AAMDC: variants seen among roughly 807,000 people sequenced by gnomAD.
The protein encoded by AAMDC is mth938 domain-containing protein.
AAMDC carries 16 observed loss-of-function variants against 15.5 expected under a neutral mutation model. The observed-to-expected ratio is 1.03, with a 90% CI of 0.70 to 1.57. The LOEUF (loss-of-function observed/expected upper bound fraction) is 1.57. Among genes scored for constraint, AAMDC ranks in the 40% most tolerant of loss-of-function variants. The probability of loss-of-function intolerance (pLI) is 0.00; values close to 1 mark genes in which losing one functional copy is unlikely to be tolerated. For synonymous variants in AAMDC, 51 were observed against 51.6 expected (o/e 0.99, Z 0.05); for missense variants, 141 against 144.9 (o/e 0.97, Z 0.14).
At chr11:77,826,384 G>T (rs1949174224) in intron 1 of AAMDC, among the ~76,000 whole-genome samples, 1 of 151,854 alleles carries the variant, frequency 6.6e-6, no homozygotes, top group Admixed American at 6.6e-5. Context: ...ATGGGGGACA[G>T]CCTGTATTAT....
chr11:77,823,997 G>T (rs960306022), intron 1 of AAMDC, among the ~76,000 whole-genome samples: 3 of 152,062 alleles, frequency 2.0e-5, no homozygotes, highest in Non-Finnish European at 4.4e-5. Context: ...ATAAATAAAG[G>T]TTAGAGTTTC....
chr11:77,878,361 CAAAA>C (rs35818983), intron 5 of AAMDC, among the ~76,000 whole-genome samples: 2 of 126,902 alleles, frequency 1.6e-5, no homozygotes, highest in African/African-American at 5.9e-5. Flanking sequence ...GACTCCATCT[CAAAA>C]AAAAAAAAAA....
chr11:77,850,095 A>AT (rs1950311324), intron 2 of AAMDC, among the ~76,000 whole-genome samples: 1 of 152,256 alleles, frequency 6.6e-6, no homozygotes, highest in South Asian at 2.1e-4. Context: ...TATAAATGTC[A>AT]TTAAACAAAC....
At position 77,869,836 on chromosome 11, in the gene AAMDC, A is replaced by G; in HGVS notation, c.228+19A>G. 6.2e-7 allele frequency: 1 copy of G among 1,604,592 alleles called. No individual in the cohort carries two copies. ...CTTGAAGGTAGGTGTTGGTATGCAC[A>G]GCATTCCTGAGGACAGGTGGGGATC... On this transcript the variant is annotated intron_variant, in intron 3 of 3. Transcript: ENST00000393427.
At chr11:77,904,365 G>GT (rs1308062693), downstream of AAMDC, among the ~76,000 whole-genome samples, 1 of 152,164 alleles carries the variant, frequency 6.6e-6, no homozygotes, top group Non-Finnish European at 1.5e-5. Context: ...TTACAAAGAT[G>GT]TAAGTTAATT....
intron 2 of AAMDC, among the ~76,000 whole-genome samples, chr11:77,847,878 C>T (rs1322645321): frequency 6.6e-6 from 1 of 152,022 alleles, no homozygotes; most frequent in African/African-American, 2.4e-5. Context: ...TCCTAAAAAC[C>T]CCGGGAGCTG....
chr11:77,874,164 C>A (rs1000663100), downstream of AAMDC, among the ~76,000 whole-genome samples: 5 of 152,178 alleles, frequency 3.3e-5, no homozygotes, highest in Admixed American at 3.3e-4. Flanking sequence ...CTCCTTGCTC[C>A]CTAGAAGCAG....
At chr11:77,892,936 T>C (rs1392905295) in intron 5 of AAMDC, among the ~76,000 whole-genome samples, 1 of 152,176 alleles carries the variant, frequency 6.6e-6, no homozygotes, top group Non-Finnish European at 1.5e-5. Context: ...CTAGAGAGTA[T>C]TACCTGCTGG....
intron 2 of AAMDC, among the ~76,000 whole-genome samples, chr11:77,846,708 T>C (rs1161968147): frequency 6.6e-6 from 1 of 152,148 alleles, no homozygotes; most frequent in Admixed American, 6.5e-5. Flanking sequence ...CTACATCTCA[T>C]AAAAAGAAAT....
At chr11:77,861,423 G>A (rs1950871938) in intron 2 of AAMDC, among the ~76,000 whole-genome samples, 5 of 152,182 alleles carry the variant, frequency 3.3e-5, no homozygotes, top group South Asian at 4.1e-4. Context: ...TGAGAAGGCC[G>A]CGCCAGTGTC....
At chr11:77,828,847 GCTT>G (rs1484856311) in intron 1 of AAMDC, among the ~76,000 whole-genome samples, 1 of 152,128 alleles carries the variant, frequency 6.6e-6, no homozygotes, top group East Asian at 1.9e-4. Flanking sequence ...ATTCCAGCTG[GCTT>G]CTTTGCAGAA....
At chr11:77,886,313 C>G (rs1952003821) in intron 5 of AAMDC, among the ~76,000 whole-genome samples, 1 of 152,162 alleles carries the variant, frequency 6.6e-6, no homozygotes, top group Non-Finnish European at 1.5e-5. Context: ...TTTGTCTACT[C>G]CAAAAGTGGA....
intron 1 of AAMDC, among the ~76,000 whole-genome samples, chr11:77,840,533 G>C (rs1949885636): frequency 6.6e-6 from 1 of 150,804 alleles, no homozygotes; most frequent in African/African-American, 2.4e-5. Context: ...CATCTCAAAA[G>C]AAAAAAAAGT....
rs570682319 is a variant in AAMDC, at chr11:77,897,675, T to A, written c.329-2896T>A. Reference sequence around the variant, plus strand: ...GCCACCACGCCCGGCTAATTTTTTTTTTTTTATTTTTAGTAGAGACGGGGT... The same window carrying A: ...GCCACCACGCCCGGCTAATTTTTTTATTTTTATTTTTAGTAGAGACGGGGT... On this transcript the variant is annotated intron_variant, in intron 5 of 5. Transcript: ENST00000304716. 2.4e-4 allele frequency among the ~76,000 whole-genome samples: 37 copies of A among 151,286 alleles called. No individual in the cohort carries two copies. The South Asian group carries it at 5.6e-3, about 23-fold the overall frequency.
At chr11:77,850,736 CA>C (rs1172222820) in intron 2 of AAMDC, 2 of 151,614 alleles carry the variant, frequency 1.3e-5, no homozygotes, top group Non-Finnish European at 2.9e-5. Flanking sequence ...AACATTTTAC[CA>C]TGTTTGTTTC....
At chr11:77,859,849 C>T (rs1412283607) in intron 2 of AAMDC, among the ~76,000 whole-genome samples, 2 of 152,212 alleles carry the variant, frequency 1.3e-5, no homozygotes, top group Non-Finnish European at 2.9e-5. Flanking sequence ...GCAGCACTGG[C>T]CCTTCAAGTA....
chr11:77,864,412 C>G (rs1951019221), intron 2 of AAMDC, among the ~76,000 whole-genome samples: 2 of 151,690 alleles, frequency 1.3e-5, no homozygotes, highest in Admixed American at 6.6e-5. Context: ...TGCACTCCAG[C>G]CTGGGCAACA....
rs1951453045 is a variant in AAMDC, at chr11:77,872,030, A to G, written c.229-145A>G. On this transcript the variant is annotated intron_variant, in intron 3 of 3. Transcript: ENST00000393427. Reference sequence around the variant, plus strand: ...TTTTGACTCATTGGGGCTCACTGCCAAATTTTGGACTGGTGATACACTGAG... The same window carrying G: ...TTTTGACTCATTGGGGCTCACTGCCGAATTTTGGACTGGTGATACACTGAG... 14 of 839,896 alleles carry G rather than the reference A, an allele frequency of 1.7e-5. No homozygotes were observed. In the South Asian group the frequency reaches 3.1e-4, roughly 18 times the overall value. The allele number at this position is 839,896 out of a possible 1,614,324, so 52.0% of individuals were successfully genotyped here. A position where few individuals can be genotyped will look rare whatever the true frequency, so the allele number is the denominator to read the frequency against.
intron 2 of AAMDC, among the ~76,000 whole-genome samples, chr11:77,853,138 G>A (rs1032929518): frequency 1.2e-4 from 19 of 152,272 alleles, no homozygotes; most frequent in East Asian, 1.2e-3. Flanking sequence ...GGGTTGTACC[G>A]TATTTTAGTA....
Sources: allele counts gnomAD v4.1 joint callset (sites outside exome capture counted in the v4.1 genomes callset), GRCh38; gene constraint gnomAD v4.1.1; transcripts MANE v1.5; gene names NCBI Gene and HGNC (gene_info 2026-07-23, HGNC 2026-07-21).